Variants in PRKG1 observed in about 807,000 individuals in gnomAD.
The protein encoded by PRKG1 is cGMP-dependent protein kinase 1.
A neutral mutation model predicts 88.1 loss-of-function variants in PRKG1; 35 were observed. That is an observed-to-expected ratio of 0.40 (90% CI 0.30 to 0.53). The LOEUF (loss-of-function observed/expected upper bound fraction) is 0.53. PRKG1 is among the 20% of genes least tolerant of loss of function. PRKG1 has a pLI of 0.59. For synonymous variants in PRKG1, 303 were observed against 292.5 expected (o/e 1.04, Z -0.37); for missense variants, 540 against 839.8 (o/e 0.64, Z 4.41).
intron 2 of PRKG1, among the ~76,000 whole-genome samples, chr10:51,314,806 C>G (rs1351074694): frequency 6.6e-6 from 1 of 152,106 alleles, no homozygotes; most frequent in Non-Finnish European, 1.5e-5. Context: ...TTTTCATATG[C>G]ATTGTTACAC....
At chr10:52,179,742 G>T (rs1838964449) in intron 9 of PRKG1, among the ~76,000 whole-genome samples, 1 of 152,180 alleles carries the variant, frequency 6.6e-6, no homozygotes. Context: ...GGGCTGGAGT[G>T]CAGTGGTTCA....
chr10:51,703,185 A>G (rs1011176405), intron 3 of PRKG1, among the ~76,000 whole-genome samples: 9 of 152,172 alleles, frequency 5.9e-5, no homozygotes, highest in African/African-American at 1.7e-4. Context: ...CAAATATCAA[A>G]CCTTACATCA....
intron 7 of PRKG1, among the ~76,000 whole-genome samples, chr10:52,093,488 A>G (rs2133327095): frequency 6.6e-6 from 1 of 151,212 alleles, no homozygotes; most frequent in South Asian, 2.2e-4. Flanking sequence ...AAGAAAAAAC[A>G]CCATGAAAGC....
In PRKG1 at chr10:51,756,801, C is replaced by T. The variant is rs180829334; in HGVS notation, c.593-47784C>T. ...CTGCACTCCAGCCTGGGTGACAGTG[C>T]GAAACTCCATCTCAAAAATAAATAA... On this transcript the variant is annotated intron_variant, in intron 3 of 17. Coordinates refer to ENST00000373980, the MANE Select transcript of PRKG1 (RefSeq NM_006258.4). 4.2e-3 allele frequency among the ~76,000 whole-genome samples: 628 copies of T among 149,478 alleles called. 7 individuals are homozygous for T. The highest frequency in any genetic ancestry group is 0.015 in the African/African-American group (588 of 39,872).
At chr10:51,966,655 T>C (rs1843574057) in intron 5 of PRKG1, among the ~76,000 whole-genome samples, 1 of 152,156 alleles carries the variant, frequency 6.6e-6, no homozygotes, top group African/African-American at 2.4e-5. Context: ...GATTCACAGA[T>C]GAGGGAGCAA....
At chr10:51,230,677 C>T (rs554920832) in intron 2 of PRKG1, among the ~76,000 whole-genome samples, 2 of 152,044 alleles carry the variant, frequency 1.3e-5, no homozygotes, top group South Asian at 4.2e-4. Context: ...ATAACTTATG[C>T]ACATCCTACC....
In PRKG1 at chr10:51,968,801, C is replaced by T. The variant is rs537741734; in HGVS notation, c.762+61231C>T. On this transcript the variant is annotated intron_variant, in intron 5 of 17. Transcript: ENST00000373980. ...TCATGCCACTGCACTCCAGCCTGAGCGACAGAGCAAAACTCCATCAAAAAA... is the reference window on the plus strand; with the variant it reads ...TCATGCCACTGCACTCCAGCCTGAGTGACAGAGCAAAACTCCATCAAAAAA... 6.3e-4 allele frequency among the ~76,000 whole-genome samples: 85 copies of T among 134,286 alleles called. No individual in the cohort carries two copies. The South Asian group carries it at 0.015, about 24-fold the overall frequency. 88.1% of individuals were successfully genotyped at this position (134,286 alleles called of 152,430 possible). A position where few individuals can be genotyped will look rare whatever the true frequency, so the allele number is the denominator to read the frequency against.
At chr10:51,194,753 G>T (rs527475349) in intron 2 of PRKG1, among the ~76,000 whole-genome samples, 1 of 152,088 alleles carries the variant, frequency 6.6e-6, no homozygotes, top group Non-Finnish European at 1.5e-5. Context: ...GGTTCTAGAG[G>T]CTGAGAAGTC....
chr10:51,795,983 T>C (rs560580004), intron 3 of PRKG1, among the ~76,000 whole-genome samples: 79 of 152,264 alleles, frequency 5.2e-4, no homozygotes, highest in Admixed American at 2.0e-3. Context: ...ACTAATGTTC[T>C]ACTGCAGGGG....
At chr10:51,526,421 C>T (rs1321770321) in intron 3 of PRKG1, among the ~76,000 whole-genome samples, 2 of 152,076 alleles carry the variant, frequency 1.3e-5, no homozygotes, top group Non-Finnish European at 2.9e-5. Context: ...ACTTTTGCAC[C>T]AACCTAATAT....
At chr10:51,021,018 A>G (rs959014005) in intron 1 of PRKG1, among the ~76,000 whole-genome samples, 3 of 152,004 alleles carry the variant, frequency 2.0e-5, no homozygotes, top group African/African-American at 7.2e-5. Context: ...ATTCGTACCT[A>G]TGTAGGGGTG....
chr10:51,746,091 C>T (rs1178605425), intron 3 of PRKG1, among the ~76,000 whole-genome samples: 1 of 152,118 alleles, frequency 6.6e-6, no homozygotes, highest in African/African-American at 2.4e-5. Flanking sequence ...TTTAGGTGAT[C>T]TCCCGCCTTA....
At chr10:51,402,836 C>T (rs375787849) in intron 2 of PRKG1, among the ~76,000 whole-genome samples, 2 of 152,164 alleles carry the variant, frequency 1.3e-5, no homozygotes, top group East Asian at 1.9e-4. Flanking sequence ...GCAAGGACAA[C>T]TCCATTTTAG....
At chr10:52,105,213 G>A (rs896882665) in intron 7 of PRKG1, among the ~76,000 whole-genome samples, 2 of 151,972 alleles carry the variant, frequency 1.3e-5, no homozygotes, top group Non-Finnish European at 2.9e-5. Flanking sequence ...TTACCAATTG[G>A]AAGAAACACA....
chr10:51,963,342 G>A (rs573216862), intron 5 of PRKG1, among the ~76,000 whole-genome samples: 9 of 152,212 alleles, frequency 5.9e-5, no homozygotes, highest in South Asian at 2.1e-4. Context: ...GATTTAGCAC[G>A]TGCTAAAGAA....
chr10:51,026,575 C>G (rs1007015842), intron 1 of PRKG1, among the ~76,000 whole-genome samples: 5 of 152,170 alleles, frequency 3.3e-5, no homozygotes, highest in African/African-American at 1.2e-4. Flanking sequence ...ACCAAGTGAG[C>G]ACTCTTGACT....
rs1023963712 is a variant in PRKG1, at chr10:52,282,257, T to C, written c.1650T>C (p.His550=). The C allele has an allele frequency of 6.2e-7, 1 of 1,611,290 alleles. No individual in the cohort carries two copies. The highest frequency in any genetic ancestry group is 1.1e-5 in the South Asian group (1 of 90,800). Reference sequence around the variant, plus strand: ...CAGAGATCATCCTGAACAAAGGCCATGACATTTCAGCCGACTACTGGTCAC... The same window carrying C: ...CAGAGATCATCCTGAACAAAGGCCACGACATTTCAGCCGACTACTGGTCAC... ...VAPEIILNKG[H]DISADYWSLG... The change falls in exon 14 of 18, where the codon CAT becomes CAC. Residue 550 remains histidine (H), a synonymous_variant. Coordinates refer to ENST00000373980, the MANE Select transcript of PRKG1 (RefSeq NM_006258.4).
At chr10:51,821,415 A>G (rs1479540437) in intron 4 of PRKG1, among the ~76,000 whole-genome samples, 1 of 152,140 alleles carries the variant, frequency 6.6e-6, no homozygotes, top group African/African-American at 2.4e-5. Context: ...ACTTTTATAG[A>G]TAGTGCTATA....
chr10:51,860,109 A>C (rs1840833072), intron 4 of PRKG1, among the ~76,000 whole-genome samples: 1 of 152,204 alleles, frequency 6.6e-6, no homozygotes, highest in Non-Finnish European at 1.5e-5. Flanking sequence ...AAATAGGGTA[A>C]ATAAGTACCC....
Sources: allele counts gnomAD v4.1 joint callset (sites outside exome capture counted in the v4.1 genomes callset), GRCh38; gene constraint gnomAD v4.1.1; transcripts MANE v1.5; gene names NCBI Gene and HGNC (gene_info 2026-07-23, HGNC 2026-07-21).